The following FGF12 variants were observed in gnomAD, a reference collection of about 807,000 sequenced individuals.
The protein encoded by FGF12 is fibroblast growth factor 12B.
FGF12 carries 14 observed loss-of-function variants against 23.6 expected under a neutral mutation model. That is an observed-to-expected ratio of 0.59 (90% confidence interval 0.39 to 0.93). The LOEUF is 0.93. Ranked by LOEUF, FGF12 falls within the 40% of genes least tolerant of loss-of-function variation. FGF12 has a pLI of 0.00. For missense variants in FGF12, 175 were observed against 217.8 expected (o/e 0.80, Z 1.24); for synonymous variants, 62 against 77.3 (o/e 0.80, Z 1.04).
intron 4 of FGF12, among the ~76,000 whole-genome samples, chr3:192,208,434 T>C (rs1289624779): frequency 6.6e-6 from 1 of 152,202 alleles, no homozygotes; most frequent in Admixed American, 6.5e-5. Context: ...ATCTCATACA[T>C]AGTTTTATGT....
At position 192,579,996 on chromosome 3, in the gene FGF12, C is replaced by G. The variant is rs117295836; in HGVS notation, c.13+147185G>C. Among the ~76,000 whole-genome samples the G allele has an allele frequency of 4.3e-4, 65 of 152,274 alleles. No individual in the cohort carries two copies. In the East Asian group the frequency reaches 0.012, roughly 28 times the overall value. ...GCCGTTTCCTGGGCATTCTCATAGG[C>G]AGTAGAGAGAAATGGTGATGACAGA... On this transcript the variant is annotated intron_variant, in intron 2 of 5. Coordinates refer to ENST00000445105, the MANE Select transcript of FGF12 (RefSeq NM_004113.6).
chr3:192,602,398 C>T (rs1714150914), intron 2 of FGF12, among the ~76,000 whole-genome samples: 1 of 152,038 alleles, frequency 6.6e-6, no homozygotes, highest in Non-Finnish European at 1.5e-5. Flanking sequence ...AGCTCCTTCC[C>T]AGGAGGTGGT....
intron 2 of FGF12, among the ~76,000 whole-genome samples, chr3:192,571,827 T>A (rs1712647567): frequency 6.6e-6 from 1 of 152,078 alleles, no homozygotes; most frequent in Non-Finnish European, 1.5e-5. Flanking sequence ...GGGTGTTCAA[T>A]CTATCTCGAT....
At chr3:192,285,749 A>G (rs1714412353) in intron 4 of FGF12, among the ~76,000 whole-genome samples, 1 of 152,080 alleles carries the variant, frequency 6.6e-6, no homozygotes, top group African/African-American at 2.4e-5. Flanking sequence ...TTAGTAATTA[A>G]AACTTCTTGC....
intron 2 of FGF12, among the ~76,000 whole-genome samples, chr3:192,658,949 T>G (rs1160342749): frequency 6.6e-6 from 1 of 152,140 alleles, no homozygotes; most frequent in Non-Finnish European, 1.5e-5. Flanking sequence ...CAAAGGTAAG[T>G]CATACATGGC....
intron 4 of FGF12, among the ~76,000 whole-genome samples, chr3:192,262,310 AAG>A (rs1449514500): frequency 6.6e-6 from 1 of 152,186 alleles, no homozygotes; most frequent in Non-Finnish European, 1.5e-5. Context: ...AATTTCTTGT[AAG>A]AGATTCAAAA....
intron 2 of FGF12, among the ~76,000 whole-genome samples, chr3:192,581,484 GTGTATA>G (rs1342602419): frequency 8.7e-5 from 6 of 69,174 alleles, no homozygotes; most frequent in African/African-American, 3.7e-4. Context: ...ATGTGTGTGT[GTGTATA>G]TATATATATA....
At chr3:192,146,938 A>G (rs1713760099) in intron 5 of FGF12, among the ~76,000 whole-genome samples, 1 of 152,166 alleles carries the variant, frequency 6.6e-6, no homozygotes, top group Non-Finnish European at 1.5e-5. Context: ...TAATTTCCCA[A>G]TCTTTGCACT....
intron 4 of FGF12, among the ~76,000 whole-genome samples, chr3:192,315,045 C>T (rs1374589923): frequency 2.0e-5 from 3 of 152,184 alleles, no homozygotes; most frequent in African/African-American, 7.2e-5. Flanking sequence ...AAAGTTCTTT[C>T]ATTTCAGTTG....
intron 2 of FGF12, among the ~76,000 whole-genome samples, chr3:192,450,305 CAT>C (rs2108801290): frequency 6.6e-6 from 1 of 152,310 alleles, no homozygotes; most frequent in Admixed American, 6.5e-5. Flanking sequence ...AGCATCATAT[CAT>C]ACTATGTACC....
chr3:192,234,585 TG>T (rs1490687027), intron 4 of FGF12, among the ~76,000 whole-genome samples: 1 of 151,910 alleles, frequency 6.6e-6, no homozygotes, highest in East Asian at 1.9e-4. Context: ...TGAATAGGAG[TG>T]GTGAGAGTGG....
intron 2 of FGF12, among the ~76,000 whole-genome samples, chr3:192,719,799 A>G (rs1313807116): frequency 6.9e-6 from 1 of 144,120 alleles, no homozygotes; most frequent in East Asian, 2.1e-4. Context: ...AAAAAAAAAA[A>G]AAAAAGAAAA....
At chr3:192,684,629 A>C (rs1717666695) in intron 2 of FGF12, among the ~76,000 whole-genome samples, 1 of 152,196 alleles carries the variant, frequency 6.6e-6, no homozygotes, top group Admixed American at 6.5e-5. Flanking sequence ...GCATATAAGA[A>C]TAGCAGTCTC....
rs536419006 is a variant in FGF12, at chr3:192,339,816, A to G, written c.125-4352T>C. ...TGTTTATATCTCTGTCTCCATCCCT[A>G]CAATGCAAGACTCTTGAGGGTAGTT... On this transcript the variant is annotated intron_variant, in intron 3 of 5. Coordinates refer to ENST00000445105, the MANE Select transcript of FGF12 (RefSeq NM_004113.6). Among the ~76,000 whole-genome samples, 8 of 152,246 alleles carry G rather than the reference A, an allele frequency of 5.3e-5. No homozygotes were observed. The East Asian group carries it at 1.5e-3, about 29-fold the overall frequency.
At chr3:192,699,953 T>C (rs1425869734) in intron 2 of FGF12, among the ~76,000 whole-genome samples, 2 of 152,174 alleles carry the variant, frequency 1.3e-5, no homozygotes, top group Non-Finnish European at 2.9e-5. Flanking sequence ...TATTAACAGA[T>C]GAAAACTGCA....
intron 2 of FGF12, among the ~76,000 whole-genome samples, chr3:192,711,529 A>G (rs1053858266): frequency 2.0e-5 from 3 of 152,214 alleles, no homozygotes; most frequent in Admixed American, 1.3e-4. Flanking sequence ...GGGAAAAGAT[A>G]GAGAAATCAG....
intron 4 of FGF12, among the ~76,000 whole-genome samples, chr3:192,306,935 T>C (rs1172723545): frequency 6.6e-6 from 1 of 152,218 alleles, no homozygotes; most frequent in Non-Finnish European, 1.5e-5. Flanking sequence ...TGTTCCTTTA[T>C]TTATTTAAAA....
chr3:192,507,437 T>G (rs1724349096), intron 2 of FGF12, among the ~76,000 whole-genome samples: 2 of 151,940 alleles, frequency 1.3e-5, no homozygotes, highest in Admixed American at 6.6e-5. Flanking sequence ...TTATAAATTT[T>G]TTCAGGATAA....
chr3:192,331,895 A>T (rs764333230), intron 4 of FGF12, among the ~76,000 whole-genome samples: 34 of 152,128 alleles, frequency 2.2e-4, no homozygotes, highest in Non-Finnish European at 4.4e-4. Context: ...TCAGAATTGT[A>T]TAACTACCTT....
Sources: allele counts gnomAD v4.1 joint callset (sites outside exome capture counted in the v4.1 genomes callset), GRCh38; gene constraint gnomAD v4.1.1; transcripts MANE v1.5; gene names NCBI Gene and HGNC (gene_info 2026-07-23, HGNC 2026-07-21).